Variants in FRMD4B observed in about 807,000 individuals in gnomAD.
FRMD4B encodes the protein FERM domain-containing protein 4B.
FRMD4B carries 74 observed loss-of-function variants against 141.5 expected under a neutral mutation model. The ratio of observed to expected loss-of-function variants is 0.52; its 90% CI spans 0.43 to 0.63. FRMD4B has a LOEUF of 0.63. Ranked by LOEUF, FRMD4B falls within the 30% of genes least tolerant of loss-of-function variation. FRMD4B has a pLI of 0.00. For synonymous variants in FRMD4B, 506 were observed against 467.9 expected (o/e 1.08, Z -1.05); for missense variants, 1,366 against 1,253.4 (o/e 1.09, Z -1.36).
At chr3:69,438,791 A>G (rs1705298787) in intron 1 of FRMD4B, among the ~76,000 whole-genome samples, 1 of 152,142 alleles carries the variant, frequency 6.6e-6, no homozygotes, top group African/African-American at 2.4e-5. Context: ...ACTCATCCCC[A>G]TTCACTGTAT....
chr3:69,493,796 T>C (rs977214404), intron 1 of FRMD4B, among the ~76,000 whole-genome samples: 1 of 152,198 alleles, frequency 6.6e-6, no homozygotes, highest in Non-Finnish European at 1.5e-5. Flanking sequence ...GGGACATAAT[T>C]GGTTCTCATA....
chr3:69,480,231 T>C (rs1423318124), intron 1 of FRMD4B, among the ~76,000 whole-genome samples: 1 of 152,282 alleles, frequency 6.6e-6, no homozygotes, highest in African/African-American at 2.4e-5. Flanking sequence ...TCCATCCAGC[T>C]TTGTTCCATT....
chr3:69,243,075 G>T (rs990209080), intron 7 of FRMD4B, among the ~76,000 whole-genome samples: 1 of 150,902 alleles, frequency 6.6e-6, no homozygotes, highest in African/African-American at 2.4e-5. Flanking sequence ...CCTCCTTGCC[G>T]TGTCAGCTTT....
chr3:69,319,052 G>A (rs1701903022), intron 1 of FRMD4B, among the ~76,000 whole-genome samples: 4 of 152,136 alleles, frequency 2.6e-5, no homozygotes, highest in African/African-American at 7.2e-5. Context: ...GCTGTGGACC[G>A]GGCAAAGTGC....
intron 21 of FRMD4B, among the ~76,000 whole-genome samples, chr3:69,177,730 C>T (rs1485752505): frequency 8.5e-5 from 13 of 152,056 alleles, no homozygotes; most frequent in African/African-American, 1.7e-4. Context: ...TCATATATTG[C>T]GAGAATCTTC....
intron 5 of FRMD4B, among the ~76,000 whole-genome samples, chr3:69,277,381 A>G (rs1220464590): frequency 6.6e-6 from 1 of 152,172 alleles, no homozygotes; most frequent in Non-Finnish European, 1.5e-5. Context: ...TAAAGAATCA[A>G]AATAAACCTA....
intron 11 of FRMD4B, among the ~76,000 whole-genome samples, chr3:69,204,561 T>C (rs1043846023): frequency 6.6e-5 from 10 of 152,184 alleles, no homozygotes; most frequent in African/African-American, 9.6e-5. Flanking sequence ...TTATTCTTTT[T>C]TCATTTTGAA....
At chr3:69,538,572 AG>A (rs1337818548) in intron 1 of FRMD4B, among the ~76,000 whole-genome samples, 3 of 152,214 alleles carry the variant, frequency 2.0e-5, no homozygotes, top group Admixed American at 2.0e-4. Context: ...AATTACTGGT[AG>A]TAACCCACTA....
At chr3:69,504,778 G>GAA (rs1483461949) in intron 1 of FRMD4B, among the ~76,000 whole-genome samples, 1 of 152,090 alleles carries the variant, frequency 6.6e-6, no homozygotes, top group Admixed American at 6.6e-5. Flanking sequence ...ATCTTAGTTG[G>GAA]TTCCTTTGAA....
chr3:69,214,941 G>A (rs1559723728), intron 11 of FRMD4B, among the ~76,000 whole-genome samples: 1 of 151,690 alleles, frequency 6.6e-6, no homozygotes, highest in Non-Finnish European at 1.5e-5. Flanking sequence ...GTGCAGTGGC[G>A]TGATCTCGGC....
rs186382113 is a variant in FRMD4B, at chr3:69,297,539, G to A, written c.416+4804C>T. ...GGGGATGAAAGATGCCAAGATTCTGGCTTTGACTGGAACAGGGTGGTACCA... is the reference window on the plus strand; with the variant it reads ...GGGGATGAAAGATGCCAAGATTCTGACTTTGACTGGAACAGGGTGGTACCA... On this transcript the variant is annotated intron_variant, in intron 4 of 22. Coordinates refer to ENST00000398540, the MANE Select transcript of FRMD4B (RefSeq NM_015123.3). Among the ~76,000 whole-genome samples, 3 of 152,252 alleles carry A rather than the reference G, an allele frequency of 2.0e-5. No homozygotes were observed. In the East Asian group the frequency reaches 5.8e-4, roughly 29 times the overall value.
At chr3:69,199,646 T>C (rs995366140) in intron 11 of FRMD4B, among the ~76,000 whole-genome samples, 5 of 152,222 alleles carry the variant, frequency 3.3e-5, no homozygotes, top group Non-Finnish European at 7.3e-5. Context: ...CCAGAGCCTC[T>C]TCTTGGTTTC....
intron 5 of FRMD4B, among the ~76,000 whole-genome samples, chr3:69,252,560 C>T (rs1318750812): frequency 6.6e-6 from 1 of 152,240 alleles, no homozygotes; most frequent in Non-Finnish European, 1.5e-5. Context: ...AGTCCTAATA[C>T]TGACTGCCAA....
intron 1 of FRMD4B, among the ~76,000 whole-genome samples, chr3:69,519,083 T>G (rs1051644354): frequency 6.6e-6 from 1 of 152,234 alleles, no homozygotes; most frequent in Non-Finnish European, 1.5e-5. Flanking sequence ...TGGGTTATAT[T>G]CTGAGAAACA....
At chr3:69,479,910 T>C (rs1283058640) in intron 1 of FRMD4B, among the ~76,000 whole-genome samples, 1 of 152,204 alleles carries the variant, frequency 6.6e-6, no homozygotes, top group Non-Finnish European at 1.5e-5. Flanking sequence ...TCGTTTCTTT[T>C]TATTCTTTTT....
intron 1 of FRMD4B, among the ~76,000 whole-genome samples, chr3:69,469,191 G>C (rs772130145): frequency 3.3e-5 from 5 of 152,038 alleles, no homozygotes; most frequent in African/African-American, 9.7e-5. Context: ...GCCATTTGCC[G>C]GTTCTATTAC....
intron 1 of FRMD4B, among the ~76,000 whole-genome samples, chr3:69,315,131 G>A (rs911142009): frequency 1.3e-5 from 2 of 152,180 alleles, no homozygotes; most frequent in Admixed American, 1.3e-4. Context: ...GTTAAGAACA[G>A]TTAAGATATA....
chr3:69,534,523 G>C (rs367839795), intron 1 of FRMD4B, among the ~76,000 whole-genome samples: 3 of 152,328 alleles, frequency 2.0e-5, no homozygotes, highest in Non-Finnish European at 4.4e-5. Context: ...AACTGTATCT[G>C]TGCCTACTCA....
rs766588246 is a variant in FRMD4B, at chr3:69,287,798, G to C, written c.455C>G (p.Thr152Ser). The C allele has an allele frequency of 1.2e-6, 2 of 1,601,938 alleles. No homozygotes were observed. Among genetic ancestry groups the C allele is most frequent in the Admixed American group, 1.7e-5 (1 of 59,246 alleles). Residue 152 changes from threonine to serine, a missense_variant, in exon 5 of 23, where the codon ACC becomes AGC. Thr to Ser is a moderately conservative substitution (Grantham distance 58, BLOSUM62 1). Coordinates refer to ENST00000398540, the MANE Select transcript of FRMD4B (RefSeq NM_015123.3). The stretch of plus-strand genomic sequence containing the variant: ...ATTCAGGAAAAACAGCTCCACGGTG[G>C]TTTTATCCTTTAAAAACGATATGCT... ...IESISFLKDK[T>S]TVELFFLNAK...
Sources: gnomAD v4.1 joint callset for allele counts (sites outside exome capture counted in the v4.1 genomes callset) on GRCh38, gnomAD v4.1.1 for gene constraint, MANE v1.5 for transcripts, NCBI Gene and HGNC (gene_info 2026-07-23, HGNC 2026-07-21) for gene names.